Variants in PPP5C observed in about 807,000 individuals in gnomAD.
PPP5C encodes the protein serine/threonine-protein phosphatase 5.
In PPP5C, 21 loss-of-function variants were observed where a neutral mutation model predicts 66.7. The ratio of observed to expected loss-of-function variants is 0.31; its 90% CI spans 0.22 to 0.45. PPP5C has a LOEUF of 0.45. Ranked by LOEUF, PPP5C falls within the 20% of genes least tolerant of loss-of-function variation. The pLI is 1.00. For synonymous variants in PPP5C, 246 were observed against 257.4 expected (o/e 0.96, Z 0.43); for missense variants, 464 against 675.9 (o/e 0.69, Z 3.48).
At chr19:46,351,065 C>T (rs1972175393) in intron 1 of PPP5C, among the ~76,000 whole-genome samples, 1 of 152,124 alleles carries the variant, frequency 6.6e-6, no homozygotes, top group South Asian at 2.1e-4. Context: ...CTCAGTGCCC[C>T]GCTTCTGTAA....
intron 6 of PPP5C, chr19:46,384,140 T>G (rs1162238352): frequency 4.0e-6 from 2 of 503,398 alleles, no homozygotes; most frequent in African/African-American, 1.9e-5. Flanking sequence ...TTGGCTTGTC[T>G]TCGTCTGCCT....
At position 46,383,619 on chromosome 19, in the gene PPP5C, A is replaced by C; in HGVS notation, c.699+143A>C. The C allele has an allele frequency of 9.6e-7, 1 of 1,037,372 alleles. No homozygotes were observed. The highest frequency in any genetic ancestry group is 2.4e-5 in the Admixed American group (1 of 40,964). 64.3% of individuals were successfully genotyped at this position (1,037,372 alleles called of 1,614,324 possible). On this transcript the variant is annotated intron_variant, in intron 5 of 12. Coordinates refer to ENST00000012443, the MANE Select transcript of PPP5C (RefSeq NM_006247.4). The surrounding 1 kb of genome is among the most constrained non-coding windows in gnomAD (Gnocchi z 5.0). ...CTGTGCCTTTCCTCCTGAATATCCCATTTCTCTCCTGGCCTCTTGGTCTTC... is the reference window on the plus strand; with the variant it reads ...CTGTGCCTTTCCTCCTGAATATCCCCTTTCTCTCCTGGCCTCTTGGTCTTC...
At chr19:46,372,188 G>C (rs1972604995) in intron 2 of PPP5C, among the ~76,000 whole-genome samples, 1 of 151,890 alleles carries the variant, frequency 6.6e-6, no homozygotes, top group African/African-American at 2.4e-5. Context: ...AATCATGTGG[G>C]TTTTTTTGTA....
At chr19:46,386,956 G>A in intron 7 of PPP5C, 137 bp from the exon 8 acceptor site, 1 of 1,231,248 alleles carries the variant, frequency 8.1e-7, no homozygotes, top group Admixed American at 2.1e-5. Context: ...CTCCAGTCTG[G>A]AAGGCACCGC....
rs1972931616 is a variant in PPP5C, at chr19:46,388,483, T to C, written c.1176+35T>C. 2 of 1,610,188 alleles carry C rather than the reference T, an allele frequency of 1.2e-6. No homozygotes were observed. The highest frequency in any genetic ancestry group is 1.7e-5 in the Admixed American group (1 of 59,822). On this transcript the variant is annotated intron_variant, in intron 10 of 12. Coordinates refer to ENST00000012443, the MANE Select transcript of PPP5C (RefSeq NM_006247.4). The surrounding 1 kb of genome is among the most constrained non-coding windows in gnomAD (Gnocchi z 4.9). ...GGGTGGGGTGCAGGGCCGGCGGGTG[T>C]GGGCTGTGGCAGCAGGTGGAGGCAG... is the stretch of plus-strand genomic sequence containing the variant.
intron 1 of PPP5C, among the ~76,000 whole-genome samples, chr19:46,347,601 G>A (rs1196592177): frequency 6.6e-6 from 1 of 151,434 alleles, no homozygotes; most frequent in African/African-American, 2.4e-5. Context: ...GCCGCCAAGT[G>A]GGGGGTAGAG....
chr19:46,367,959 C>G (rs901240679), intron 2 of PPP5C, among the ~76,000 whole-genome samples: 5 of 152,180 alleles, frequency 3.3e-5, no homozygotes, highest in African/African-American at 4.8e-5. Context: ...CCCGTTCCAG[C>G]TGCACAATTG....
In PPP5C at chr19:46,347,227, C is replaced by T; in HGVS notation, c.121+10C>T. On this transcript the variant is annotated intron_variant, in intron 1 of 12. Coordinates refer to ENST00000012443, the MANE Select transcript of PPP5C (RefSeq NM_006247.4). ...AATGACTACTTCAAAGGTGCGCCCG[C>T]CTGGCAGGGAGGGTGGACAGTGGCC... 6.3e-7 allele frequency: 1 copy of T among 1,599,848 alleles called. No individual in the cohort carries two copies. The highest frequency in any genetic ancestry group is 8.5e-7 in the Non-Finnish European group (1 of 1,173,714).
chr19:46,373,292 C>A (rs532842382), intron 2 of PPP5C, among the ~76,000 whole-genome samples: 1 of 152,340 alleles, frequency 6.6e-6, no homozygotes, highest in Non-Finnish European at 1.5e-5. Flanking sequence ...TGGGCTTTGG[C>A]GCAGTTTCGC....
chr19:46,362,264 A>G (rs1415879626), intron 2 of PPP5C, among the ~76,000 whole-genome samples: 1 of 152,332 alleles, frequency 6.6e-6, no homozygotes, highest in Middle Eastern at 3.4e-3. Context: ...TTATGATGCC[A>G]TCTTTATAAT....
chr19:46,389,411 A>AGAGTGTTGATC (rs1252794320), intron 11 of PPP5C, among the ~76,000 whole-genome samples: 2 of 43,688 alleles, frequency 4.6e-5, no homozygotes, highest in African/African-American at 7.4e-5. Flanking sequence ...ACACACACAC[A>AGAGTGTTGATC]CACACACACA....
At position 46,388,136 on chromosome 19, in the gene PPP5C, T is replaced by C; in HGVS notation, c.1136-272T>C. 1 of 444,754 alleles carries C rather than the reference T, an allele frequency of 2.2e-6. No individual in the cohort carries two copies. The highest frequency in any genetic ancestry group is 4.0e-6 in the Non-Finnish European group (1 of 247,828). The allele number at this position is 444,754 out of a possible 1,614,324, so 27.6% of individuals were successfully genotyped here. On this transcript the variant is annotated intron_variant, in intron 9 of 12. Coordinates refer to ENST00000012443, the MANE Select transcript of PPP5C (RefSeq NM_006247.4). The surrounding 1 kb of genome is among the most constrained non-coding windows in gnomAD (Gnocchi z 4.9). The stretch of plus-strand genomic sequence containing the variant: ...AAAGGCTTTGAGTGGGAGAGGGGCC[T>C]GATCTGAATAGTGACATTGAAAGCT...
In PPP5C at chr19:46,390,071, C is replaced by T; in HGVS notation, c.1376C>T (p.Ala459Val). ...TGCAGCGACCAGATGGGGAACAAAG[C>T]CTCCTACATCCACCTCCAGGGCTCT... ...PNYCDQMGNK[A>V]SYIHLQGSDL... Residue 459 changes from alanine to valine, a missense_variant, in exon 12 of 13, where the codon GCC (alanine) becomes GTC (valine). Physicochemically the swap from Ala to Val is moderately conservative, Grantham distance 64. Coordinates refer to ENST00000012443, the MANE Select transcript of PPP5C (RefSeq NM_006247.4). The T allele has an allele frequency of 6.2e-7, 1 of 1,614,174 alleles. No individual in the cohort carries two copies. The highest frequency in any genetic ancestry group is 8.5e-7 in the Non-Finnish European group (1 of 1,180,008).
intron 2 of PPP5C, among the ~76,000 whole-genome samples, chr19:46,365,793 T>A (rs998397540): frequency 1.3e-5 from 2 of 152,154 alleles, no homozygotes; most frequent in African/African-American, 4.8e-5. Flanking sequence ...CAAGATGACT[T>A]ACCCTCATGC....
chr19:46,373,874 A>G (rs1305001613), intron 2 of PPP5C, among the ~76,000 whole-genome samples: 1 of 152,008 alleles, frequency 6.6e-6, no homozygotes, highest in African/African-American at 2.4e-5. Flanking sequence ...GACCTGGAGG[A>G]GGAGCTGGAG....
rs1030267005 is a variant in PPP5C at position 46,376,108 on chromosome 19, G to A, written c.512-345G>A. Among the ~76,000 whole-genome samples the A allele has an allele frequency of 2.6e-5, 4 of 152,160 alleles. No individual in the cohort carries two copies. Among genetic ancestry groups the A allele is most frequent in the Non-Finnish European group, 4.4e-5 (3 of 68,030 alleles). ...ATTATTGAGCATCTCCTATGTGCCC[G>A]GCACTGTCCTAGGCACTAGGGGTAC... On this transcript the variant is annotated intron_variant, in intron 3 of 12. Coordinates refer to ENST00000012443, the MANE Select transcript of PPP5C (RefSeq NM_006247.4). The surrounding 1 kb of genome is among the most constrained non-coding windows in gnomAD (Gnocchi z 5.1).
At chr19:46,387,556 G>T in intron 9 of PPP5C, 103 bp downstream of exon 9, 2 of 1,596,478 alleles carry the variant, frequency 1.3e-6, no homozygotes, top group Non-Finnish European at 1.7e-6. Context: ...TTGTGCCCTT[G>T]GCAAGAAACA....
At chr19:46,352,664 CA>C (rs1234449345) in intron 1 of PPP5C, among the ~76,000 whole-genome samples, 1 of 152,056 alleles carries the variant, frequency 6.6e-6, no homozygotes, top group African/African-American at 2.4e-5. Flanking sequence ...ACTAAAAATA[CA>C]AAAAATTAGC....
intron 11 of PPP5C, among the ~76,000 whole-genome samples, chr19:46,389,218 G>A (rs1004406259): frequency 1.3e-4 from 20 of 151,614 alleles, no homozygotes; most frequent in African/African-American, 4.9e-4. Context: ...CAGCTACTCA[G>A]GAGGCTGAGT....
Sources: gnomAD v4.1 joint callset for allele counts (sites outside exome capture counted in the v4.1 genomes callset) on GRCh38, gnomAD v4.1.1 for gene constraint, Gnocchi (gnomAD v3.1) non-coding constraint, MANE v1.5 for transcripts, NCBI Gene and HGNC (gene_info 2026-07-23, HGNC 2026-07-21) for gene names.